The following DOK6 variants were observed in gnomAD, a reference collection of about 807,000 sequenced individuals.
DOK6 encodes the protein downstream of tyrosine kinase 6.
A neutral mutation model predicts 44.0 loss-of-function variants in DOK6; 22 were observed. The observed-to-expected ratio is 0.50, with a 90% CI of 0.36 to 0.71. The LOEUF is 0.71. Ranked by LOEUF, DOK6 falls within the 30% of genes least tolerant of loss-of-function variation. The pLI is 0.00. For missense variants in DOK6, 340 were observed against 416.4 expected, an observed-to-expected ratio of 0.82 and a Z score of 1.60; for synonymous variants, 166 against 145.5, an observed-to-expected ratio of 1.14 and a Z score of -1.01.
In DOK6 at chr18:69,695,385, T is replaced by G. The variant is rs533029248; in HGVS notation, c.410-3019T>G. 2.2e-3 allele frequency among the ~76,000 whole-genome samples: 334 copies of G among 152,356 alleles called. 2 individuals carry two copies. Among genetic ancestry groups the G allele is most frequent in the African/African-American group, 7.7e-3 (320 of 41,586 alleles). On this transcript the variant is annotated intron_variant, in intron 4 of 7. Transcript: ENST00000382713. Reference sequence around the variant, plus strand: ...GGAAATAAAAACCGAACATGGGTTCTTAAATTTAAAAAGCAGCATAATTAG... The same window carrying G: ...GGAAATAAAAACCGAACATGGGTTCGTAAATTTAAAAAGCAGCATAATTAG...
chr18:69,698,203 T>G (rs1986430505), intron 4 of DOK6, among the ~76,000 whole-genome samples: 1 of 152,206 alleles, frequency 6.6e-6, no homozygotes, highest in Non-Finnish European at 1.5e-5. Context: ...ATGAATGAAT[T>G]AATGATTCAG....
intron 1 of DOK6, among the ~76,000 whole-genome samples, chr18:69,428,354 T>G (rs1407224532): frequency 6.6e-6 from 1 of 152,118 alleles, no homozygotes; most frequent in Non-Finnish European, 1.5e-5. Context: ...CTTCATTCAT[T>G]CATTCCATGA....
intron 3 of DOK6, among the ~76,000 whole-genome samples, chr18:69,599,867 G>T (rs1983832851): frequency 6.6e-6 from 1 of 152,166 alleles, no homozygotes; most frequent in Non-Finnish European, 1.5e-5. Flanking sequence ...CAAAAGCATG[G>T]CAGAGCACAG....
chr18:69,556,807 C>G (rs1982698330), intron 1 of DOK6, among the ~76,000 whole-genome samples: 1 of 152,184 alleles, frequency 6.6e-6, no homozygotes. Flanking sequence ...ACTCATTTCT[C>G]TATTGAAAAG....
intron 1 of DOK6, among the ~76,000 whole-genome samples, chr18:69,430,075 A>G (rs1014163792): frequency 6.6e-6 from 1 of 152,084 alleles, no homozygotes; most frequent in Non-Finnish European, 1.5e-5. Flanking sequence ...CAAAACTCTT[A>G]ATTATCAAAA....
intron 1 of DOK6, among the ~76,000 whole-genome samples, chr18:69,525,230 C>A (rs1192087634): frequency 1.3e-5 from 2 of 151,588 alleles, no homozygotes; most frequent in Non-Finnish European, 3.0e-5. Context: ...TAAAATGCAA[C>A]CTTGATTGTT....
intron 7 of DOK6, among the ~76,000 whole-genome samples, chr18:69,815,014 C>G (rs1373514083): frequency 6.6e-6 from 1 of 152,098 alleles, no homozygotes; most frequent in Non-Finnish European, 1.5e-5. Flanking sequence ...GTGATCAAAC[C>G]TGACACCCAT....
At chr18:69,494,718 CTT>C (rs1357386974) in intron 1 of DOK6, among the ~76,000 whole-genome samples, 1 of 152,170 alleles carries the variant, frequency 6.6e-6, no homozygotes, top group Non-Finnish European at 1.5e-5. Flanking sequence ...TAATCACAGT[CTT>C]ATTACCTTCT....
At chr18:69,513,718 T>C (rs1024049271) in intron 1 of DOK6, among the ~76,000 whole-genome samples, 3 of 152,150 alleles carry the variant, frequency 2.0e-5, no homozygotes, top group African/African-American at 4.8e-5. Flanking sequence ...TGACAGTAAT[T>C]ATAAAAAAAA....
chr18:69,651,109 A>C (rs1985213670), intron 3 of DOK6, among the ~76,000 whole-genome samples: 1 of 152,180 alleles, frequency 6.6e-6, no homozygotes, highest in Non-Finnish European at 1.5e-5. Flanking sequence ...AGGAAATAGA[A>C]GTCATCATCA....
intron 4 of DOK6, among the ~76,000 whole-genome samples, chr18:69,679,007 G>T (rs1985987325): frequency 6.6e-6 from 1 of 152,042 alleles, no homozygotes; most frequent in African/African-American, 2.4e-5. Context: ...GTGAAACCCT[G>T]TCTCTACAAA....
At chr18:69,807,103 C>T (rs767407365) in intron 7 of DOK6, among the ~76,000 whole-genome samples, 6 of 151,682 alleles carry the variant, frequency 4.0e-5, no homozygotes, top group South Asian at 2.1e-4. Flanking sequence ...TAGTTCTTAG[C>T]GTGTGGGCCC....
chr18:69,433,322 T>C (rs1484473557), intron 1 of DOK6, among the ~76,000 whole-genome samples: 1 of 152,192 alleles, frequency 6.6e-6, no homozygotes, highest in Non-Finnish European at 1.5e-5. Context: ...CAATGTAATA[T>C]GTTAAAATAT....
intron 1 of DOK6, among the ~76,000 whole-genome samples, chr18:69,445,115 C>G (rs1301151860): frequency 6.6e-6 from 1 of 152,046 alleles, no homozygotes; most frequent in Non-Finnish European, 1.5e-5. Context: ...ATTTCATTTT[C>G]ATATTATTAA....
chr18:69,577,356 A>G (rs1272418282), intron 2 of DOK6, among the ~76,000 whole-genome samples: 1 of 152,150 alleles, frequency 6.6e-6, no homozygotes, highest in Admixed American at 6.6e-5. Flanking sequence ...GTGTCTCTTG[A>G]AATACCTGCT....
intron 6 of DOK6, among the ~76,000 whole-genome samples, chr18:69,747,884 G>C (rs1204430567): frequency 6.6e-6 from 1 of 152,198 alleles, no homozygotes; most frequent in East Asian, 1.9e-4. Flanking sequence ...GTGAGAGGAA[G>C]AGGAGCTGTC....
At chr18:69,815,370 T>C (rs77980267) in intron 7 of DOK6, among the ~76,000 whole-genome samples, 42 of 152,322 alleles carry the variant, frequency 2.8e-4, no homozygotes, top group African/African-American at 9.4e-4. Context: ...GCATTCCTTC[T>C]GTGATTTGGA....
chr18:69,459,195 G>T (rs985667221), intron 1 of DOK6, among the ~76,000 whole-genome samples: 1 of 54,536 alleles, frequency 1.8e-5, no homozygotes, highest in Non-Finnish European at 5.2e-5. Context: ...TTTTGTGTGT[G>T]TGTGTGTGTG....
intron 3 of DOK6, among the ~76,000 whole-genome samples, chr18:69,665,075 A>G (rs1305687811): frequency 1.3e-5 from 2 of 152,008 alleles, no homozygotes; most frequent in Non-Finnish European, 2.9e-5. Context: ...CAGCTACTCC[A>G]GAGGCTGAGA....
Sources: gnomAD v4.1 joint callset for allele counts (sites outside exome capture counted in the v4.1 genomes callset) on GRCh38, gnomAD v4.1.1 for gene constraint, MANE v1.5 for transcripts, NCBI Gene and HGNC (gene_info 2026-07-23, HGNC 2026-07-21) for gene names.